CLDN14: variants seen among roughly 807,000 people sequenced by gnomAD.
The protein encoded by CLDN14 is claudin-14.
Under a neutral mutation model 2.1 loss-of-function variants are expected in CLDN14, and 2 were observed. The observed-to-expected ratio is 0.96, with a 90% CI of 0.39 to 3.01. The LOEUF (loss-of-function observed/expected upper bound fraction) is 3.01. Among genes scored for constraint, CLDN14 ranks in the 30% most tolerant of loss-of-function variants. The pLI is 0.09. For missense variants in CLDN14, 298 were observed against 328.0 expected, an observed-to-expected ratio of 0.91 and a Z score of 0.71; for synonymous variants, 136 against 154.4, an observed-to-expected ratio of 0.88 and a Z score of 0.88.
chr21:36,498,929 A>C lies in CLDN14; in HGVS notation c.-82+11434T>G, dbSNP rs1331436575. Among the ~76,000 whole-genome samples the C allele has an allele frequency of 6.6e-6, 1 of 152,076 alleles. No homozygotes were observed. The highest frequency in any genetic ancestry group is 1.5e-5 in the Non-Finnish European group (1 of 68,006). ...TTTCTTCTAGGTGGTTCGCTCAGCA[A>C]GGGTACTTTTTGTAATTCAGCCACC... On this transcript the variant is annotated intron_variant, in intron 2 of 2. Transcript: ENST00000342108. This position sits in a 1 kb window ranked among gnomAD's most constrained non-coding sequence, Gnocchi z 4.9.
chr21:36,546,863 T>TA (rs1258311503), intron 1 of CLDN14, among the ~76,000 whole-genome samples: 2 of 152,228 alleles, frequency 1.3e-5, no homozygotes, highest in African/African-American at 4.8e-5. Context: ...CAGCAGTTCT[T>TA]ACATTTAAAA....
chr21:36,523,185 G>A (rs995146905), intron 1 of CLDN14, among the ~76,000 whole-genome samples: 1 of 152,226 alleles, frequency 6.6e-6, no homozygotes, highest in Non-Finnish European at 1.5e-5. Context: ...CCTTTGTGCA[G>A]AGCACACAGA....
At chr21:36,539,245 G>A (rs2087458429) in intron 1 of CLDN14, among the ~76,000 whole-genome samples, 1 of 152,232 alleles carries the variant, frequency 6.6e-6, no homozygotes, top group East Asian at 1.9e-4. Flanking sequence ...CACACTCAAG[G>A]TGTTTAAGGT....
At chr21:36,567,015 T>C (rs1457149122) in intron 1 of CLDN14, among the ~76,000 whole-genome samples, 1 of 152,212 alleles carries the variant, frequency 6.6e-6, no homozygotes, top group African/African-American at 2.4e-5. Flanking sequence ...ACATGAAAGA[T>C]GCTGGAGCTA....
At chr21:36,547,238 G>A (rs1192774975) in intron 1 of CLDN14, among the ~76,000 whole-genome samples, 2 of 152,170 alleles carry the variant, frequency 1.3e-5, no homozygotes, top group Non-Finnish European at 2.9e-5. Flanking sequence ...GAAACTAGTT[G>A]ACGGTGGTTG....
intron 1 of CLDN14, among the ~76,000 whole-genome samples, chr21:36,470,668 C>T (rs977418196): frequency 3.9e-5 from 6 of 152,134 alleles, no homozygotes; most frequent in Non-Finnish European, 7.4e-5. Flanking sequence ...AATGGTGGCA[C>T]GGGGAATTAC....
chr21:36,479,031 G>A (rs1269019158), intron 1 of CLDN14, among the ~76,000 whole-genome samples: 1 of 152,112 alleles, frequency 6.6e-6, no homozygotes, highest in East Asian at 1.9e-4. Context: ...GTGTATTTAG[G>A]GAGCAGGAGA....
intron 1 of CLDN14, among the ~76,000 whole-genome samples, chr21:36,574,393 A>C (rs1390289089): frequency 6.6e-6 from 1 of 152,244 alleles, no homozygotes; most frequent in East Asian, 1.9e-4. Flanking sequence ...TATAAACTGC[A>C]GATACAGCCA....
intron 2 of CLDN14, among the ~76,000 whole-genome samples, chr21:36,489,131 A>AAAAAAATATATATATATATATAT: frequency 6.4e-5 from 4 of 62,748 alleles, no homozygotes; most frequent in African/African-American, 1.8e-4. Flanking sequence ...AAAAAAAAAA[A>AAAAAAATATATATATATATATAT]ATATATATAT....
intron 1 of CLDN14, among the ~76,000 whole-genome samples, chr21:36,515,879 C>T (rs13052197): frequency 0.68 from 99,519 of 146,714 alleles, 38,965 homozygotes; most frequent in Non-Finnish European, 0.9. Flanking sequence ...CTCCGCCTCC[C>T]GGGTTCAAGT....
At chr21:36,554,746 A>T (rs934705463) in intron 1 of CLDN14, among the ~76,000 whole-genome samples, 1 of 152,082 alleles carries the variant, frequency 6.6e-6, no homozygotes, top group African/African-American at 2.4e-5. Context: ...TTGATAGTTA[A>T]AGTTCCCTGA....
At chr21:36,535,254 G>T (rs1158819283) in intron 1 of CLDN14, among the ~76,000 whole-genome samples, 1 of 152,138 alleles carries the variant, frequency 6.6e-6, no homozygotes, top group Non-Finnish European at 1.5e-5. Context: ...GCTGGGGGTG[G>T]TGGCAGGTGC....
chr21:36,483,586 A>T (rs116414345), upstream of CLDN14, among the ~76,000 whole-genome samples: 1,555 of 152,322 alleles, frequency 0.01, 25 homozygotes, highest in African/African-American at 0.035. Context: ...TTCTTTCTCC[A>T]TGGCAACTAG....
At chr21:36,538,649 G>A (rs901444757) in intron 1 of CLDN14, among the ~76,000 whole-genome samples, 2 of 152,096 alleles carry the variant, frequency 1.3e-5, no homozygotes, top group African/African-American at 4.8e-5. Context: ...AGAAGAGACA[G>A]CATTTCAGAA....
rs182605644 is a variant in CLDN14 at position 36,530,136 on chromosome 21, A to T, written c.-219-19636T>A. On this transcript the variant is annotated intron_variant, in intron 1 of 2. Transcript: ENST00000342108. Reference sequence around the variant, plus strand: ...GATGTGGATATTTTCTTTATTTTTTAAAAAAACAAACCCTTGTAGATAGAG... The same window carrying T: ...GATGTGGATATTTTCTTTATTTTTTTAAAAAACAAACCCTTGTAGATAGAG... 1.6e-3 allele frequency among the ~76,000 whole-genome samples: 243 copies of T among 152,312 alleles called. 2 individuals are homozygous for T. Among genetic ancestry groups the T allele is most frequent in the African/African-American group, 5.3e-3 (221 of 41,558 alleles).
intron 1 of CLDN14, among the ~76,000 whole-genome samples, chr21:36,570,105 G>C (rs2087699024): frequency 6.6e-6 from 1 of 152,158 alleles, no homozygotes; most frequent in Non-Finnish European, 1.5e-5. Context: ...GACAACTCCG[G>C]GGATGGCTTT....
intron 1 of CLDN14, among the ~76,000 whole-genome samples, chr21:36,523,769 AAGAG>A (rs774353567): frequency 0.43 from 21,519 of 49,924 alleles, 6,311 homozygotes; most frequent in Non-Finnish European, 0.56. Context: ...AAAAGAAAGA[AAGAG>A]AGAAAGAGAG....
chr21:36,558,476 A>G (rs899101816), intron 1 of CLDN14, among the ~76,000 whole-genome samples: 5 of 93,748 alleles, frequency 5.3e-5, no homozygotes, highest in African/African-American at 9.3e-5. Context: ...AATATTTTGT[A>G]GTTTTCAGCA....
chr21:36,461,675 C>A lies in CLDN14; in HGVS notation c.21G>T (p.Gln7His). MASTAV[Q>H]LLGFLLSFLG... ...GGAAGCTGAGCAGGAAGCCCAGAAGCTGCACGGCCGTGCTGGCCATGGTGC... is the reference window on the plus strand; with the variant it reads ...GGAAGCTGAGCAGGAAGCCCAGAAGATGCACGGCCGTGCTGGCCATGGTGC... Residue 7 changes from glutamine to histidine, a missense_variant, in exon 2 of 2, where the codon CAG (glutamine) becomes CAT (histidine). Gln to His is a conservative substitution (Grantham distance 24). Coordinates refer to ENST00000399135, the MANE Select transcript of CLDN14 (RefSeq NM_001146079.2). 1 of 1,554,916 alleles carries A rather than the reference C, an allele frequency of 6.4e-7. No homozygotes were observed. Among genetic ancestry groups the A allele is most frequent in the Non-Finnish European group, 8.7e-7 (1 of 1,149,802 alleles).
Sources: allele counts gnomAD v4.1 joint callset (sites outside exome capture counted in the v4.1 genomes callset), GRCh38; gene constraint gnomAD v4.1.1; non-coding constraint Gnocchi (gnomAD v3.1); transcripts MANE v1.5; gene names NCBI Gene and HGNC (gene_info 2026-07-23, HGNC 2026-07-21).